The following FANK1 variants were observed in gnomAD, a reference collection of about 807,000 sequenced individuals.
FANK1 encodes the protein fibronectin type 3 and ankyrin repeat domains protein 1.
FANK1 carries 44 observed loss-of-function variants against 45.3 expected under a neutral mutation model. That is an observed-to-expected ratio of 0.97 (90% CI 0.76 to 1.25). The LOEUF is 1.25. FANK1 is among the 50% of genes most tolerant of loss of function. The pLI, the probability that FANK1 is intolerant of heterozygous loss-of-function variation, is 0.00. For synonymous variants in FANK1, 149 were observed against 152.5 expected (o/e 0.98, Z 0.17); for missense variants, 391 against 424.4 (o/e 0.92, Z 0.69).
intron 1 of FANK1, among the ~76,000 whole-genome samples, chr10:125,922,518 C>CT (rs942680737): frequency 6.6e-6 from 1 of 152,162 alleles, no homozygotes; most frequent in African/African-American, 2.4e-5. Flanking sequence ...GTCAGTACAT[C>CT]TTTCTGTTGT....
At chr10:125,962,418 T>C (rs975189737) in intron 1 of FANK1, among the ~76,000 whole-genome samples, 1 of 152,198 alleles carries the variant, frequency 6.6e-6, no homozygotes, top group African/African-American at 2.4e-5. Flanking sequence ...TTGTTTCTTG[T>C]TTCTCGTCTC....
chr10:125,907,870 C>G (rs1205908920), intron 1 of FANK1, among the ~76,000 whole-genome samples: 3 of 152,140 alleles, frequency 2.0e-5, no homozygotes, highest in African/African-American at 7.2e-5. Flanking sequence ...CCTGAATGAG[C>G]TTGAACCCAG....
intron 1 of FANK1, among the ~76,000 whole-genome samples, chr10:125,957,273 ATC>A (rs1949640006): frequency 6.6e-6 from 1 of 152,092 alleles, no homozygotes; most frequent in African/African-American, 2.4e-5. Flanking sequence ...TGCTGTTGTT[ATC>A]CTCTATGTTG....
intron 1 of FANK1, among the ~76,000 whole-genome samples, chr10:125,909,726 T>A (rs1945838504): frequency 6.9e-6 from 1 of 144,580 alleles, no homozygotes; most frequent in Non-Finnish European, 1.5e-5. Context: ...CAGGTCTCAC[T>A]ATGTTGCCTG....
At chr10:125,958,770 ATTTG>A (rs372115720) in intron 1 of FANK1, among the ~76,000 whole-genome samples, 4 of 152,246 alleles carry the variant, frequency 2.6e-5, no homozygotes, top group South Asian at 2.1e-4. Flanking sequence ...TTTCTTGGCC[ATTTG>A]TTTGTCTTCT....
chr10:125,904,055 T>C (rs79045434), intron 1 of FANK1, among the ~76,000 whole-genome samples: 1 of 152,046 alleles, frequency 6.6e-6, no homozygotes, highest in Non-Finnish European at 1.5e-5. Context: ...CTGGAGTCTC[T>C]CTTTGTTCCC....
chr10:125,906,515 CAAAAAAAA>C (rs34132526), intron 1 of FANK1, among the ~76,000 whole-genome samples: 21 of 46,422 alleles, frequency 4.5e-4, no homozygotes, highest in African/African-American at 9.7e-4. Context: ...GACTCTGTCT[CAAAAAAAA>C]AAAAAAAAAA....
chr10:125,998,187 T>C (rs1323474768), intron 6 of FANK1, among the ~76,000 whole-genome samples: 5 of 152,208 alleles, frequency 3.3e-5, no homozygotes, highest in Non-Finnish European at 7.3e-5. Context: ...AGGCCCTGGC[T>C]TCAGGGGCTG....
chr10:125,942,672 A>C (rs1948526166), intron 1 of FANK1, among the ~76,000 whole-genome samples: 3 of 152,218 alleles, frequency 2.0e-5, no homozygotes, highest in Non-Finnish European at 1.5e-5. Context: ...TATTTTTATT[A>C]ATCGACTGCT....
rs753447784 is a variant in FANK1, at chr10:126,004,968, G to A, written c.624G>A (p.Leu208=). ...RHGASWQARD[L]GGCTALHWAA... ...GCGCTTCTTGGCAGGCTAGAGACCT[G>A]GGAGGCTGTACAGCTCTGCACTGGG... The change falls in exon 7 of 11, where the codon CTG becomes CTA. Residue 208 remains leucine (L), a synonymous_variant. Transcript: ENST00000368693. 5.0e-6 allele frequency: 8 copies of A among 1,614,218 alleles called. No individual in the cohort carries two copies. The Admixed American group carries it at 1.3e-4, about 27-fold the overall frequency.
At chr10:125,960,048 A>G (rs1040016103) in intron 1 of FANK1, among the ~76,000 whole-genome samples, 24 of 152,220 alleles carry the variant, frequency 1.6e-4, no homozygotes, top group South Asian at 2.1e-4. Context: ...CAATTTCTGT[A>G]GAATTTTGGT....
intron 1 of FANK1, among the ~76,000 whole-genome samples, chr10:125,919,120 C>G (rs1946731107): frequency 6.7e-6 from 1 of 149,714 alleles, no homozygotes. Context: ...GAGCTAACTG[C>G]TAATGCATTG....
In FANK1 at chr10:125,964,884, T is replaced by G. The variant is rs149643226; in HGVS notation, c.14-15277T>G. Among the ~76,000 whole-genome samples, 35 of 152,340 alleles carry G rather than the reference T, an allele frequency of 2.3e-4. 1 individual carries two copies. In the East Asian group the frequency reaches 6.8e-3, roughly 29 times the overall value. ...TTCCTCTTCACTGCTATTGGCAGAT[T>G]TTAGATTTAATGAACTTGATGACCA... On this transcript the variant is annotated intron_variant, in intron 1 of 10. Transcript: ENST00000368693.
intron 1 of FANK1, among the ~76,000 whole-genome samples, chr10:125,940,847 A>G (rs1589953959): frequency 6.6e-6 from 1 of 152,214 alleles, no homozygotes; most frequent in Admixed American, 6.5e-5. Flanking sequence ...TACCAAGCAT[A>G]CTGCCTGTAA....
At chr10:125,982,228 TTC>T (rs1951267990) in intron 2 of FANK1, among the ~76,000 whole-genome samples, 1 of 152,238 alleles carries the variant, frequency 6.6e-6, no homozygotes, top group Non-Finnish European at 1.5e-5. Flanking sequence ...TCCTGCATCG[TTC>T]TTTCTTCCTT....
intron 1 of FANK1, among the ~76,000 whole-genome samples, chr10:125,914,231 A>G (rs1417310782): frequency 2.0e-5 from 3 of 149,360 alleles, no homozygotes; most frequent in African/African-American, 7.6e-5. Flanking sequence ...CTAAATTTGT[A>G]TTACTTTTTC....
intron 1 of FANK1, chr10:125,960,313 C>T (rs1590055495): frequency 7.5e-6 from 2 of 265,214 alleles, no homozygotes; most frequent in South Asian, 8.7e-5. Flanking sequence ...AGCTCTGCAG[C>T]TGCCTGAGAG....
chr10:125,948,040 G>C (rs1292583435), intron 1 of FANK1, among the ~76,000 whole-genome samples: 1 of 150,032 alleles, frequency 6.7e-6, no homozygotes, highest in Non-Finnish European at 1.5e-5. Context: ...AATGAAGGCA[G>C]AAATAAAGAT....
At chr10:125,974,551 A>G (rs1950734261) in intron 1 of FANK1, among the ~76,000 whole-genome samples, 1 of 152,190 alleles carries the variant, frequency 6.6e-6, no homozygotes, top group South Asian at 2.1e-4. Context: ...GAACAATTGC[A>G]TGCTACACAG....
Sources: gnomAD v4.1 joint callset for allele counts (sites outside exome capture counted in the v4.1 genomes callset) on GRCh38, gnomAD v4.1.1 for gene constraint, MANE v1.5 for transcripts, NCBI Gene and HGNC (gene_info 2026-07-23, HGNC 2026-07-21) for gene names.